The following F5 variants were observed in gnomAD, a reference collection of about 807,000 sequenced individuals.
The protein encoded by F5 is activated protein c cofactor.
In F5, 138 loss-of-function variants were observed where a neutral mutation model predicts 216.4. That is an observed-to-expected ratio of 0.64 (90% CI 0.56 to 0.73). The LOEUF (loss-of-function observed/expected upper bound fraction) is 0.73. Among genes scored for constraint, F5 ranks in the 30% least tolerant of loss-of-function variants. The pLI, the probability that F5 is intolerant of heterozygous loss-of-function variation, is 0.00. For missense variants in F5, 2,403 were observed against 2,674.0 expected, an observed-to-expected ratio of 0.90 and a Z score of 2.24; for synonymous variants, 916 against 930.7, an observed-to-expected ratio of 0.98 and a Z score of 0.29.
At chr1:169,532,724 T>C (rs757849609) in intron 14 of F5, among the ~76,000 whole-genome samples, 1 of 152,082 alleles carries the variant, frequency 6.6e-6, no homozygotes, top group Admixed American at 6.6e-5. Context: ...AAAGAAATCA[T>C]AGATGACACA....
At chr1:169,569,904 G>C (rs917736494) in intron 3 of F5, among the ~76,000 whole-genome samples, 1 of 151,982 alleles carries the variant, frequency 6.6e-6, no homozygotes, top group African/African-American at 2.4e-5. Flanking sequence ...CAAAAAAATA[G>C]CTCAAACCAC....
chr1:169,581,511 C>T (rs6703487), intron 2 of F5, among the ~76,000 whole-genome samples: 15,629 of 151,002 alleles, frequency 0.1, 1,002 homozygotes, highest in African/African-American at 0.17. Flanking sequence ...TTGGTTTAGT[C>T]GTTGATTTTT....
intron 1 of F5, 123 bp downstream of exon 1, chr1:169,586,106 A>G: frequency 9.7e-7 from 1 of 1,032,506 alleles, no homozygotes; most frequent in South Asian, 1.4e-5. Flanking sequence ...CTCTCCTATT[A>G]GTTATATTTA....
chr1:169,560,815 C>T (rs758071946), intron 3 of F5, 49 bp from the exon 4 acceptor site: 8 of 1,555,138 alleles, frequency 5.1e-6, no homozygotes, highest in East Asian at 2.3e-5. Context: ...CTGAGGATTG[C>T]GTTTTCACCA....
intron 10 of F5, among the ~76,000 whole-genome samples, chr1:169,547,636 T>G (rs909025249): frequency 5.9e-5 from 9 of 151,826 alleles, no homozygotes; most frequent in Admixed American, 5.3e-4. Context: ...AAAACCACAA[T>G]GAGATACCAT....
intron 7 of F5, among the ~76,000 whole-genome samples, chr1:169,553,685 G>A (rs953361135): frequency 7.9e-5 from 12 of 152,246 alleles, no homozygotes; most frequent in Non-Finnish European, 1.5e-4. Context: ...TTGCGCCACT[G>A]CACTCCAGCC....
rs1326527131 is a variant in F5, at chr1:169,540,682, T to G, written c.4408A>C (p.Ser1470Arg). 1 of 1,614,094 alleles carries G rather than the reference T, an allele frequency of 6.2e-7. No individual in the cohort carries two copies. Among genetic ancestry groups the G allele is most frequent in the South Asian group, 1.1e-5 (1 of 91,084 alleles). The stretch of plus-strand genomic sequence containing the variant: ...AATTCTTGAAGAAGCAATGACTGAC[T>G]AGATTCAGAAGGGTAGAATATCTGA... Reference protein sequence around the residue: ...LDQIFYPSESSQSLLLQEFNE... With the variant: ...LDQIFYPSESRQSLLLQEFNE... Residue 1470 changes from serine (S) to arginine (R), a missense_variant, in exon 13 of 25, where the codon AGT becomes CGT. By Grantham distance (110) the Ser-to-Arg change is moderately radical. Around this residue, in one of 4 missense-constraint regions of F5, gnomAD observed 293 missense variants for 270.8 expected, o/e 1.08. Transcript: ENST00000367797.
chr1:169,577,560 A>AATATATATATATATATATATAT (rs3035292), intron 2 of F5, among the ~76,000 whole-genome samples: 16 of 54,450 alleles, frequency 2.9e-4, no homozygotes, highest in Admixed American at 7.9e-4. Context: ...GGCTAATTTA[A>AATATATATATATATATATATAT]ATATATATAT....
In F5 at chr1:169,513,959, T is replaced by C. The variant is rs966076284; in HGVS notation, c.*354A>G. On this transcript the variant is annotated 3_prime_UTR_variant, in exon 25 of 25. Coordinates refer to ENST00000367797, the MANE Select transcript of F5 (RefSeq NM_000130.5). ...CTATCAATTATTATTTAAAGTAATA[T>C]CTGTTTTACTAGTGTGTAAAGGATT... Among the ~76,000 whole-genome samples the C allele has an allele frequency of 6.6e-6, 1 of 152,160 alleles. No homozygotes were observed. Among genetic ancestry groups the C allele is most frequent in the Non-Finnish European group, 1.5e-5 (1 of 68,014 alleles).
At chr1:169,521,558 T>G (rs541129776) in intron 21 of F5, among the ~76,000 whole-genome samples, 2 of 150,598 alleles carry the variant, frequency 1.3e-5, no homozygotes, top group Non-Finnish European at 3.0e-5. Flanking sequence ...TCGGTAATAC[T>G]GAAAACAGAA....
intron 3 of F5, among the ~76,000 whole-genome samples, chr1:169,562,692 AAAT>A (rs1277811192): frequency 6.6e-6 from 1 of 152,022 alleles, no homozygotes; most frequent in Admixed American, 6.6e-5. Context: ...AACTTCCTTC[AAAT>A]AATATTATAC....
At position 169,560,744 on chromosome 1, in the gene F5, T is replaced by A. The variant is rs759668002; in HGVS notation, c.396A>T (p.Thr132=). 1.2e-6 allele frequency: 2 copies of A among 1,612,392 alleles called. No individual in the cohort carries two copies. Among genetic ancestry groups the A allele is most frequent in the Non-Finnish European group, 1.7e-6 (2 of 1,179,602 alleles). The change falls in exon 4 of 25, where the codon ACA becomes ACT. Residue 132 remains threonine (T), a synonymous_variant. Transcript: ENST00000367797. ...LSEGASYLDH[T]FPAEKMDDAV... ...CGTCGTCCATCTTCTCCGCAGGGAA[T>A]GTGTGGTCAAGGTAAGAAGCACCTG...
At chr1:169,559,396 T>C in intron 4 of F5, 100 bp from the exon 5 acceptor site, 1 of 1,160,088 alleles carries the variant, frequency 8.6e-7, no homozygotes, top group East Asian at 2.4e-5. Context: ...TCAACCATAA[T>C]GATTTCAACT....
At position 169,565,234 on chromosome 1, in the gene F5, C is replaced by T. The variant is rs1332006691; in HGVS notation, c.374-4468G>A. ...TTCTGATACACATTTTTTTCTTTTA[C>T]AGCACCCATCACAATTTGTAATTAA... is the stretch of plus-strand genomic sequence containing the variant. On this transcript the variant is annotated intron_variant, in intron 3 of 24. Transcript: ENST00000367797. 3.3e-5 allele frequency among the ~76,000 whole-genome samples: 5 copies of T among 152,032 alleles called. No homozygotes were observed. In the South Asian group the frequency reaches 6.2e-4, roughly 19 times the overall value.
At chr1:169,521,350 C>T (rs985453209) in intron 21 of F5, among the ~76,000 whole-genome samples, 1 of 152,158 alleles carries the variant, frequency 6.6e-6, no homozygotes, top group African/African-American at 2.4e-5. Flanking sequence ...CCTGCCCCTG[C>T]AGTATCAGTG....
intron 3 of F5, among the ~76,000 whole-genome samples, chr1:169,567,302 G>A (rs9332555): frequency 2.5e-4 from 38 of 152,090 alleles, no homozygotes; most frequent in African/African-American, 8.9e-4. Context: ...GTTAGTGGGT[G>A]CAGCGCACCA....
Position 169,523,254 on chromosome 1 carries a change from G to A in F5, c.5991C>T (p.Tyr1997=). The change falls in exon 21 of 25, where the codon TAC becomes TAT. Residue 1997 remains tyrosine (Y), a synonymous_variant. Transcript: ENST00000367797. ...SCYTTEFYVA[Y]SSNQINWQIF... ...TCTGCCAGTTGATCTGGTTGGAACTGTAAGCTACATAGAACTCTGTGGTAT... is the reference window on the plus strand; with the variant it reads ...TCTGCCAGTTGATCTGGTTGGAACTATAAGCTACATAGAACTCTGTGGTAT... The A allele has an allele frequency of 6.2e-7, 1 of 1,614,078 alleles. No homozygotes were observed. Among genetic ancestry groups the A allele is most frequent in the Non-Finnish European group, 8.5e-7 (1 of 1,179,958 alleles).
intron 1 of F5, among the ~76,000 whole-genome samples, chr1:169,583,706 A>G (rs1468652027): frequency 6.6e-6 from 1 of 152,248 alleles, no homozygotes; most frequent in Non-Finnish European, 1.5e-5. Flanking sequence ...TTTACCCTTC[A>G]GGTTTTCTCA....
chr1:169,529,835 A>G lies in F5; in HGVS notation c.5209-17T>C. The stretch of plus-strand genomic sequence containing the variant: ...ATCTTTTTCCTGGAAAAACAGAGTA[A>G]ATTGTATTGCCTCTTTCTCAGGAAT... On this transcript the variant is annotated splice_polypyrimidine_tract_variant and intron_variant, in intron 15 of 24. Coordinates refer to ENST00000367797, the MANE Select transcript of F5 (RefSeq NM_000130.5). The G allele has an allele frequency of 6.3e-7, 1 of 1,597,340 alleles. No individual in the cohort carries two copies. The highest frequency in any genetic ancestry group is 1.1e-5 in the South Asian group (1 of 90,714).
Sources: allele counts gnomAD v4.1 joint callset (sites outside exome capture counted in the v4.1 genomes callset), GRCh38; gene constraint gnomAD v4.1.1; regional missense constraint gnomAD v4.1.1; transcripts MANE v1.5; gene names NCBI Gene and HGNC (gene_info 2026-07-23, HGNC 2026-07-21).